IFI44L: variants seen among roughly 807,000 people sequenced by gnomAD.
IFI44L encodes the protein interferon-induced protein 44-like.
In IFI44L, 40 loss-of-function variants were observed where a neutral mutation model predicts 39.3. That is an observed-to-expected ratio of 1.02 (90% confidence interval 0.79 to 1.33). IFI44L has a LOEUF of 1.33. Among genes scored for constraint, IFI44L ranks in the 40% most tolerant of loss-of-function variants. The pLI, the probability that IFI44L is intolerant of heterozygous loss-of-function variation, is 0.00. For synonymous variants in IFI44L, 198 were observed against 182.3 expected (o/e 1.09, Z -0.69); for missense variants, 623 against 549.0 (o/e 1.13, Z -1.35).
At chr1:78,624,316 C>T (rs569224063) in intron 1 of IFI44L, among the ~76,000 whole-genome samples, 1 of 152,030 alleles carries the variant, frequency 6.6e-6, no homozygotes, top group African/African-American at 2.4e-5. Context: ...TTTAAAATTC[C>T]CTTTTGATTT....
At chr1:78,631,539 G>C (rs951860771) in intron 4 of IFI44L, 1 of 152,164 alleles carries the variant, frequency 6.6e-6, no homozygotes, top group African/African-American at 2.4e-5. Context: ...AAGTGTCTCT[G>C]AGAAATCCTT....
At chr1:78,638,588 A>G (rs1653037485) in intron 6 of IFI44L, among the ~76,000 whole-genome samples, 1 of 152,016 alleles carries the variant, frequency 6.6e-6, no homozygotes. Flanking sequence ...TGCCCTCTCC[A>G]TTCTGCTTTT....
chr1:78,638,546 G>T (rs1653036247), intron 6 of IFI44L, among the ~76,000 whole-genome samples: 1 of 151,818 alleles, frequency 6.6e-6, no homozygotes, highest in South Asian at 2.1e-4. Context: ...AATTTCTATT[G>T]TTATATCTTT....
intron 1 of IFI44L, among the ~76,000 whole-genome samples, chr1:78,624,238 C>T (rs1305024113): frequency 5.3e-5 from 8 of 152,232 alleles, no homozygotes; most frequent in African/African-American, 1.9e-4. Context: ...TCAAGTGTTC[C>T]GCCGAACTCG....
chr1:78,628,864 A>T, intron 2 of IFI44L, 87 bp from the exon 3 acceptor site: 1 of 894,864 alleles, frequency 1.1e-6, no homozygotes, highest in South Asian at 1.4e-5. Context: ...ATGCAAGAAA[A>T]CTCCATGTCT....
chr1:78,637,571 T>A (rs1182460263), intron 6 of IFI44L, among the ~76,000 whole-genome samples: 1 of 152,102 alleles, frequency 6.6e-6, no homozygotes, highest in African/African-American at 2.4e-5. Context: ...TACCCATCAC[T>A]GCAACCAAAT....
rs1333973 is a variant in IFI44L at position 78,628,396 on chromosome 1, T to A, written c.478+3T>A. On this transcript the variant is annotated splice_donor_region_variant and intron_variant, in intron 2 of 8. Coordinates refer to ENST00000370751, the MANE Select transcript of IFI44L (RefSeq NM_006820.4). ...ATGTGAAGTTTTTCGAGTTGAAGGT[T>A]TGTAAAATTAGATAATCCTACATCT... 515,494 of 1,482,864 alleles carry A rather than the reference T, an allele frequency of 0.35. 95,164 individuals are homozygous for A. Among genetic ancestry groups the A allele is most frequent in the East Asian group, 0.78 (34,356 of 43,958 alleles). The allele number at this position is 1,482,864 out of a possible 1,614,324, so 91.9% of individuals were successfully genotyped here. A position where few individuals can be genotyped will look rare whatever the true frequency, so the allele number is the denominator to read the frequency against.
intron 6 of IFI44L, among the ~76,000 whole-genome samples, chr1:78,638,740 T>C (rs1032319222): frequency 1.4e-4 from 21 of 152,148 alleles, no homozygotes; most frequent in African/African-American, 4.6e-4. Context: ...CCTACTTGGT[T>C]CTTAAGCATT....
At chr1:78,626,514 A>G (rs1652492250) in intron 1 of IFI44L, 1 of 152,050 alleles carries the variant, frequency 6.6e-6, no homozygotes, top group Admixed American at 6.6e-5. Context: ...AGCTGGAAGA[A>G]TGTTCTTTTC....
intron 4 of IFI44L, 65 bp from the exon 5 acceptor site, chr1:78,635,272 T>A: frequency 7.7e-7 from 1 of 1,296,800 alleles, no homozygotes; most frequent in Admixed American, 2.0e-5. Context: ...TCTTTTCTTC[T>A]TATTGTCATG....
rs188564126 is a variant in IFI44L at position 78,630,175 on chromosome 1, C to T, written c.723+260C>T. ...AAAAAACAACAAAAAATTAAAAACC[C>T]TATGAAAATCTTTGACCATTATATA... is the stretch of plus-strand genomic sequence containing the variant. On this transcript the variant is annotated intron_variant, in intron 4 of 8. Coordinates refer to ENST00000370751, the MANE Select transcript of IFI44L (RefSeq NM_006820.4). 2.0e-3 allele frequency: 711 copies of T among 354,308 alleles called. 1 individual carries two copies. Among genetic ancestry groups the T allele is most frequent in the Middle Eastern group, 9.0e-3 (11 of 1,224 alleles). The allele number at this position is 354,308 out of a possible 1,614,324, so 21.9% of individuals were successfully genotyped here.
intron 6 of IFI44L, among the ~76,000 whole-genome samples, chr1:78,639,602 C>T (rs1424653410): frequency 6.6e-6 from 1 of 152,086 alleles, no homozygotes; most frequent in Non-Finnish European, 1.5e-5. Context: ...GTCTCAAGGT[C>T]TCTAGCCAAA....
intron 5 of IFI44L, 47 bp from the exon 6 acceptor site, chr1:78,636,985 A>G (rs1652971571): frequency 6.9e-7 from 1 of 1,446,324 alleles, no homozygotes; most frequent in Non-Finnish European, 9.7e-7. Context: ...TAAGGGTTAA[A>G]CAGAGGCTCT....
intron 4 of IFI44L, among the ~76,000 whole-genome samples, chr1:78,634,175 AC>A (rs1302849286): frequency 6.6e-6 from 1 of 151,906 alleles, no homozygotes; most frequent in Non-Finnish European, 1.5e-5. Flanking sequence ...GTAGCAAAAA[AC>A]TTTTAAAACC....
intron 3 of IFI44L, 188 bp from the exon 4 acceptor site, chr1:78,629,532 G>T: frequency 2.2e-6 from 1 of 450,242 alleles, no homozygotes; most frequent in Non-Finnish European, 3.8e-6. Context: ...TTTTCTTTAA[G>T]CACAAAATGT....
In IFI44L at chr1:78,641,449, T is replaced by C. The variant is rs1450242476; in HGVS notation, c.1164T>C (p.His388=). The part of the protein sequence containing the change: ...MTSQSRVMNV[H]KMLGIPISNI... The stretch of plus-strand genomic sequence containing the variant: ...ACTTTCCACAGGTCATGAATGTCCA[T>C]AAAATGCTAGGCATTCCTATTTCCA... The change falls in exon 8 of 9, where the codon CAT becomes CAC. Residue 388 remains histidine (H), a synonymous_variant. Transcript: ENST00000370751. The C allele has an allele frequency of 1.5e-5, 24 of 1,613,378 alleles. No individual in the cohort carries two copies. The East Asian group carries it at 5.1e-4, about 34-fold the overall frequency.
Position 78,623,930 on chromosome 1 carries a change from A to C in IFI44L, c.-11+3359A>C, listed in dbSNP as rs530818532. Among the ~76,000 whole-genome samples, 3 of 152,210 alleles carry C rather than the reference A, an allele frequency of 2.0e-5. No homozygotes were observed. The South Asian group carries it at 6.2e-4, about 32-fold the overall frequency. ...AGCTCATGTTGGATCTTTTTTATGCAGTTTACTAATTCAAATGCTAATCTA... is the reference window on the plus strand; with the variant it reads ...AGCTCATGTTGGATCTTTTTTATGCCGTTTACTAATTCAAATGCTAATCTA... On this transcript the variant is annotated intron_variant, in intron 1 of 8. Transcript: ENST00000370751.
At chr1:78,629,650 C>A in intron 3 of IFI44L, 70 bp from the exon 4 acceptor site, 1 of 1,104,100 alleles carries the variant, frequency 9.1e-7, no homozygotes, top group Non-Finnish European at 1.3e-6. Flanking sequence ...CTCTAGGTGA[C>A]TTGAGATGTT....
At chr1:78,624,601 A>G (rs1261514685) in intron 1 of IFI44L, among the ~76,000 whole-genome samples, 1 of 152,116 alleles carries the variant, frequency 6.6e-6, no homozygotes, top group African/African-American at 2.4e-5. Context: ...CATTGGGACT[A>G]TAGTGTTCAA....
Sources: gnomAD v4.1 joint callset for allele counts (sites outside exome capture counted in the v4.1 genomes callset) on GRCh38, gnomAD v4.1.1 for gene constraint, MANE v1.5 for transcripts, NCBI Gene and HGNC (gene_info 2026-07-23, HGNC 2026-07-21) for gene names.